The following PRKN variants were observed in gnomAD, a reference collection of about 807,000 sequenced individuals.
The protein encoded by PRKN is parkin RBR E3 ubiquitin protein ligase.
PRKN carries 56 observed loss-of-function variants against 59.5 expected under a neutral mutation model. The ratio of observed to expected loss-of-function variants is 0.94; its 90% CI spans 0.76 to 1.18. The LOEUF is 1.18. PRKN is among the 50% of genes most tolerant of loss of function. The pLI, the probability that PRKN is intolerant of heterozygous loss-of-function variation, is 0.00. For missense variants in PRKN, 657 were observed against 596.4 expected, an observed-to-expected ratio of 1.10 and a Z score of -1.06; for synonymous variants, 250 against 222.1, an observed-to-expected ratio of 1.13 and a Z score of -1.12.
intron 8 of PRKN, among the ~76,000 whole-genome samples, chr6:161,553,930 T>A (rs1780135463): frequency 6.6e-6 from 1 of 152,228 alleles, no homozygotes. Context: ...ACACGTTTCC[T>A]GCTCCAGGCC....
intron 6 of PRKN, among the ~76,000 whole-genome samples, chr6:161,907,757 C>T (rs1778202726): frequency 6.6e-6 from 1 of 152,124 alleles, no homozygotes; most frequent in African/African-American, 2.4e-5. Flanking sequence ...AAGGTGCAAA[C>T]TTAAGAAGGC....
chr6:162,642,633 A>C (rs911110146), intron 1 of PRKN, among the ~76,000 whole-genome samples: 2 of 151,954 alleles, frequency 1.3e-5, no homozygotes, highest in Non-Finnish European at 2.9e-5. Context: ...TCGAAAACTC[A>C]GACTAAGTAG....
In PRKN at chr6:161,391,436, GT is replaced by G. The variant is rs11400095; in HGVS notation, c.1084-4560del. 8.4e-4 allele frequency among the ~76,000 whole-genome samples: 121 copies of G among 143,592 alleles called. 1 individual carries two copies. The highest frequency in any genetic ancestry group is 2.0e-3 in the Admixed American group (29 of 14,480). 94.2% of individuals were successfully genotyped at this position (143,592 alleles called of 152,430 possible). On this transcript the variant is annotated intron_variant, in intron 9 of 11. Transcript: ENST00000366898. This position sits in a 1 kb window ranked among gnomAD's most constrained non-coding sequence, Gnocchi z 4.9. ...AAATGTGATCCATTTCCGTAGAGTT[GT>G]TTTTTTTTTTCGAGAAATTTTAAAT...
intron 7 of PRKN, among the ~76,000 whole-genome samples, chr6:161,612,212 G>A (rs963712247): frequency 1.3e-5 from 2 of 152,310 alleles, no homozygotes; most frequent in South Asian, 4.1e-4. Context: ...AGAAGATCTA[G>A]CTAAGATCAT....
chr6:162,175,547 T>G (rs933521558), intron 4 of PRKN, among the ~76,000 whole-genome samples: 1 of 152,218 alleles, frequency 6.6e-6, no homozygotes, highest in Admixed American at 6.5e-5. Context: ...TGTCAAAAAT[T>G]CTTCCATGAT....
At chr6:162,513,469 G>GAAGAA (rs138108454) in intron 1 of PRKN, among the ~76,000 whole-genome samples, 13,017 of 128,072 alleles carry the variant, frequency 0.1, 627 homozygotes, top group South Asian at 0.21. Flanking sequence ...GTGAGATTCT[G>GAAGAA]AAGAAAAGAA....
intron 1 of PRKN, among the ~76,000 whole-genome samples, chr6:162,601,080 C>A (rs1306928869): frequency 1.3e-5 from 2 of 152,074 alleles, no homozygotes; most frequent in Non-Finnish European, 2.9e-5. Context: ...GCTGAGAAGT[C>A]CAAGAACAAG....
intron 6 of PRKN, among the ~76,000 whole-genome samples, chr6:161,906,057 C>T (rs1188110568): frequency 2.0e-5 from 3 of 151,716 alleles, no homozygotes; most frequent in African/African-American, 7.3e-5. Context: ...GTCTGTAACT[C>T]TAGTCTTTCA....
At chr6:161,676,397 T>C (rs1785088525) in intron 7 of PRKN, among the ~76,000 whole-genome samples, 1 of 152,242 alleles carries the variant, frequency 6.6e-6, no homozygotes, top group African/African-American at 2.4e-5. Flanking sequence ...CTAAAATGCC[T>C]TGGAGCTCAG....
chr6:161,861,085 T>C (rs888216748), intron 6 of PRKN, among the ~76,000 whole-genome samples: 20 of 152,228 alleles, frequency 1.3e-4, no homozygotes, highest in Non-Finnish European at 2.1e-4. Flanking sequence ...ACTGGGTATA[T>C]GCCCAAAGGA....
intron 6 of PRKN, among the ~76,000 whole-genome samples, chr6:161,872,075 C>T (rs961960076): frequency 3.9e-5 from 6 of 152,110 alleles, no homozygotes; most frequent in African/African-American, 7.2e-5. Flanking sequence ...TCACAGCAGA[C>T]GCATTTCAGC....
At chr6:161,822,066 A>G (rs1393601573) in intron 6 of PRKN, among the ~76,000 whole-genome samples, 1 of 151,920 alleles carries the variant, frequency 6.6e-6, no homozygotes, top group African/African-American at 2.4e-5. Context: ...TGACATTTCT[A>G]TTGATAATGG....
intron 7 of PRKN, among the ~76,000 whole-genome samples, chr6:161,778,061 G>A (rs1790035478): frequency 6.6e-6 from 1 of 151,786 alleles, no homozygotes. Flanking sequence ...CCATTTGTAT[G>A]GGCTAGGGGC....
intron 1 of PRKN, among the ~76,000 whole-genome samples, chr6:162,539,551 C>G (rs888128947): frequency 6.6e-6 from 1 of 152,100 alleles, no homozygotes; most frequent in African/African-American, 2.4e-5. Flanking sequence ...TATCTGAATA[C>G]CAGGGACACA....
intron 3 of PRKN, among the ~76,000 whole-genome samples, chr6:162,203,614 G>A (rs9458481): frequency 0.28 from 42,062 of 152,084 alleles, 6,556 homozygotes; most frequent in South Asian, 0.44. Context: ...GGTTCCCATC[G>A]GCCTGGCTGA....
At chr6:162,401,183 A>G (rs1787775499) in intron 2 of PRKN, among the ~76,000 whole-genome samples, 1 of 152,074 alleles carries the variant, frequency 6.6e-6, no homozygotes, top group Non-Finnish European at 1.5e-5. Flanking sequence ...TATAAACAAC[A>G]TAACCATAAA....
chr6:162,326,221 T>G (rs1783269073), intron 2 of PRKN, among the ~76,000 whole-genome samples: 1 of 152,122 alleles, frequency 6.6e-6, no homozygotes. Flanking sequence ...AGAAGACAAA[T>G]TAAATACACG....
At chr6:161,725,917 G>A (rs533324730) in intron 7 of PRKN, among the ~76,000 whole-genome samples, 1 of 152,278 alleles carries the variant, frequency 6.6e-6, no homozygotes, top group South Asian at 2.1e-4. Context: ...GTCAGAGCAG[G>A]AGGTTAACTA....
intron 6 of PRKN, among the ~76,000 whole-genome samples, chr6:161,790,546 C>T (rs547713303): frequency 6.6e-6 from 1 of 152,160 alleles, no homozygotes; most frequent in African/African-American, 2.4e-5. Context: ...AGAGAAGAGC[C>T]CTCATGAATA....
Sources: gnomAD v4.1 joint callset for allele counts (sites outside exome capture counted in the v4.1 genomes callset) on GRCh38, gnomAD v4.1.1 for gene constraint, Gnocchi (gnomAD v3.1) non-coding constraint, MANE v1.5 for transcripts, NCBI Gene and HGNC (gene_info 2026-07-23, HGNC 2026-07-21) for gene names.